The following CNTNAP5 variants were observed in gnomAD, a reference collection of about 807,000 sequenced individuals.
CNTNAP5 encodes the protein contactin associated protein family member 5, also known as contactin-associated protein-like 5.
A neutral mutation model predicts 150.2 loss-of-function variants in CNTNAP5; 72 were observed. The ratio of observed to expected loss-of-function variants is 0.48; its 90% CI spans 0.40 to 0.58. The LOEUF (loss-of-function observed/expected upper bound fraction) is 0.58, where lower values mean the gene tolerates loss of function less well. CNTNAP5 is among the 20% of genes least tolerant of loss of function. The pLI, the probability that CNTNAP5 is intolerant of heterozygous loss-of-function variation, is 0.00. For synonymous variants in CNTNAP5, 672 were observed against 619.8 expected (o/e 1.08, Z -1.25); for missense variants, 1,636 against 1,626.2 (o/e 1.01, Z -0.10).
At chr2:124,365,682 T>G (rs1690354389) in intron 3 of CNTNAP5, among the ~76,000 whole-genome samples, 1 of 152,180 alleles carries the variant, frequency 6.6e-6, no homozygotes, top group South Asian at 2.1e-4. Context: ...CCTGGGAAAG[T>G]TCTTCCTACT....
intron 6 of CNTNAP5, among the ~76,000 whole-genome samples, chr2:124,449,607 C>A (rs181822567): frequency 6.6e-6 from 1 of 152,182 alleles, no homozygotes; most frequent in East Asian, 1.9e-4. Context: ...AAATGAAATC[C>A]GATGAAGTTG....
At chr2:124,876,586 A>T (rs116534554) in intron 21 of CNTNAP5, among the ~76,000 whole-genome samples, 1 of 152,000 alleles carries the variant, frequency 6.6e-6, no homozygotes, top group Non-Finnish European at 1.5e-5. Context: ...TAGTTGAGCT[A>T]TGCTCTTTTA....
At chr2:124,580,309 G>A (rs1416157492) in intron 11 of CNTNAP5, among the ~76,000 whole-genome samples, 1 of 152,210 alleles carries the variant, frequency 6.6e-6, no homozygotes, top group African/African-American at 2.4e-5. Context: ...TTCTCTGTAA[G>A]TTGTCAACTA....
At chr2:124,851,391 G>T (rs924040295) in intron 19 of CNTNAP5, among the ~76,000 whole-genome samples, 4 of 152,130 alleles carry the variant, frequency 2.6e-5, no homozygotes, top group Admixed American at 2.6e-4. Flanking sequence ...TTTCCTTTTA[G>T]ATACAAAAAA....
At chr2:124,695,336 G>A (rs1558738693) in intron 13 of CNTNAP5, among the ~76,000 whole-genome samples, 1 of 152,128 alleles carries the variant, frequency 6.6e-6, no homozygotes, top group South Asian at 2.1e-4. Context: ...AAAATCATGA[G>A]TTGAGTATTG....
intron 1 of CNTNAP5, among the ~76,000 whole-genome samples, chr2:124,176,271 T>C (rs546275683): frequency 3.9e-5 from 6 of 152,182 alleles, no homozygotes; most frequent in Non-Finnish European, 8.8e-5. Context: ...CACATCTCAT[T>C]CTGGGGGAAC....
intron 13 of CNTNAP5, among the ~76,000 whole-genome samples, chr2:124,690,027 T>G (rs1044478887): frequency 6.6e-6 from 1 of 151,988 alleles, no homozygotes; most frequent in Non-Finnish European, 1.5e-5. Context: ...ACGGGAAATT[T>G]TTTTTTGTAA....
chr2:124,864,059 C>T (rs762513677), intron 19 of CNTNAP5, among the ~76,000 whole-genome samples: 1 of 152,092 alleles, frequency 6.6e-6, no homozygotes, highest in Non-Finnish European at 1.5e-5. Flanking sequence ...AAGCAGCATG[C>T]AGTTGGGCTG....
chr2:124,844,642 T>G (rs1329994985), intron 19 of CNTNAP5, among the ~76,000 whole-genome samples: 1 of 152,152 alleles, frequency 6.6e-6, no homozygotes, highest in African/African-American at 2.4e-5. Flanking sequence ...GCATGGGATG[T>G]GTTTCCATTT....
chr2:124,592,563 T>C (rs1696713349), intron 11 of CNTNAP5, among the ~76,000 whole-genome samples: 2 of 150,630 alleles, frequency 1.3e-5, no homozygotes, highest in Non-Finnish European at 3.0e-5. Flanking sequence ...CTAAAGAAAA[T>C]GACATTGAAA....
chr2:124,099,828 C>A (rs1683024767), intron 1 of CNTNAP5, among the ~76,000 whole-genome samples: 1 of 151,996 alleles, frequency 6.6e-6, no homozygotes, highest in Non-Finnish European at 1.5e-5. Context: ...TTTCAAAAAC[C>A]AGATCTCATG....
At chr2:124,759,356 A>T (rs1170638521) in intron 14 of CNTNAP5, among the ~76,000 whole-genome samples, 1 of 147,058 alleles carries the variant, frequency 6.8e-6, no homozygotes, top group East Asian at 2.0e-4. Flanking sequence ...CATTATATAT[A>T]TATTCATTAT....
intron 4 of CNTNAP5, among the ~76,000 whole-genome samples, chr2:124,431,006 A>G (rs1453260767): frequency 6.6e-6 from 1 of 152,186 alleles, no homozygotes. Context: ...GCCCCATCAT[A>G]CAGATAGGAG....
At chr2:124,647,633 A>T in intron 12 of CNTNAP5, 125 bp from the exon 13 acceptor site, 2 of 793,768 alleles carry the variant, frequency 2.5e-6, no homozygotes, top group Non-Finnish European at 3.8e-6. Flanking sequence ...TCTCTGTCCT[A>T]CTCTCCATAC....
intron 3 of CNTNAP5, among the ~76,000 whole-genome samples, chr2:124,360,324 G>C (rs543131015): frequency 6.7e-6 from 1 of 149,780 alleles, no homozygotes; most frequent in South Asian, 2.1e-4. Context: ...AGTTAATATT[G>C]TTATGTGTGA....
chr2:124,320,232 G>A (rs1321724147), intron 3 of CNTNAP5, among the ~76,000 whole-genome samples: 1 of 152,136 alleles, frequency 6.6e-6, no homozygotes, highest in Non-Finnish European at 1.5e-5. Context: ...GATATTTAAT[G>A]GAAACAGATG....
intron 8 of CNTNAP5, among the ~76,000 whole-genome samples, chr2:124,508,506 A>C (rs923560297): frequency 6.6e-6 from 1 of 152,214 alleles, no homozygotes; most frequent in Non-Finnish European, 1.5e-5. Context: ...CTGGCAGCAC[A>C]TTGCTCTTAA....
chr2:124,845,735 A>T (rs1294016702), intron 19 of CNTNAP5, among the ~76,000 whole-genome samples: 1 of 152,106 alleles, frequency 6.6e-6, no homozygotes, highest in Non-Finnish European at 1.5e-5. Flanking sequence ...ATTTCCAGGA[A>T]TGTATCCATC....
chr2:124,758,068 G>A (rs977782018), intron 14 of CNTNAP5, among the ~76,000 whole-genome samples: 15 of 152,082 alleles, frequency 9.9e-5, no homozygotes, highest in African/African-American at 2.9e-4. Flanking sequence ...TTAGAAGCAG[G>A]GATCCAGTTT....
Sources: allele counts gnomAD v4.1 joint callset (sites outside exome capture counted in the v4.1 genomes callset), GRCh38; gene constraint gnomAD v4.1.1; transcripts MANE v1.5; gene names NCBI Gene and HGNC (gene_info 2026-07-23, HGNC 2026-07-21).